NBEA: variants seen among roughly 807,000 people sequenced by gnomAD.
NBEA encodes lysosomal-trafficking regulator 2.
NBEA carries 44 observed loss-of-function variants against 343.4 expected under a neutral mutation model. The ratio of observed to expected loss-of-function variants is 0.13; its 90% CI spans 0.10 to 0.16. NBEA has a LOEUF of 0.16. Ranked by LOEUF, NBEA falls within the 10% of genes least tolerant of loss-of-function variation. The pLI, the probability that NBEA is intolerant of heterozygous loss-of-function variation, is 1.00. For synonymous variants in NBEA, 1,175 were observed against 1,238.7 expected, an observed-to-expected ratio of 0.95 and a Z score of 1.08; for missense variants, 2,555 against 3,631.3, an observed-to-expected ratio of 0.70 and a Z score of 7.62.
rs545531649 is a variant in NBEA at position 35,522,280 on chromosome 13, C to T, written c.6586-28197C>T. 5.9e-5 allele frequency among the ~76,000 whole-genome samples: 9 copies of T among 151,662 alleles called. No homozygotes were observed. In the East Asian group the frequency reaches 1.8e-3, roughly 30 times the overall value. The stretch of plus-strand genomic sequence containing the variant: ...GTCAGGAGATCGAGACCAGCCTGGC[C>T]AATATGATGAAACCCTGTCTCTACT... On this transcript the variant is annotated intron_variant, in intron 41 of 58. Coordinates refer to ENST00000379939, the MANE Select transcript of NBEA (RefSeq NM_001385012.1).
chr13:35,040,220 TA>T (rs2062599837), intron 1 of NBEA, among the ~76,000 whole-genome samples: 1 of 152,170 alleles, frequency 6.6e-6, no homozygotes, highest in Non-Finnish European at 1.5e-5. Context: ...TAAAGAGTGT[TA>T]TTATGTTATT....
intron 45 of NBEA, among the ~76,000 whole-genome samples, chr13:35,574,543 A>G (rs550658742): frequency 6.6e-6 from 1 of 152,200 alleles, no homozygotes; most frequent in African/African-American, 2.4e-5. Flanking sequence ...TCAGTGAGCC[A>G]TTCCACACCT....
At chr13:35,593,597 T>A (rs1446889815) in intron 47 of NBEA, 150 bp downstream of exon 47, 4 of 507,582 alleles carry the variant, frequency 7.9e-6, no homozygotes, top group Non-Finnish European at 1.3e-5. Flanking sequence ...TAGGAAATAA[T>A]TTTGAACATT....
At chr13:35,155,510 A>AC (rs1316067493) in intron 18 of NBEA, among the ~76,000 whole-genome samples, 18 of 152,246 alleles carry the variant, frequency 1.2e-4, no homozygotes, top group Admixed American at 2.0e-4. Context: ...CTGTAATCCC[A>AC]GCTATTTGGG....
chr13:35,661,109 G>C (rs2085071171), intron 55 of NBEA, among the ~76,000 whole-genome samples: 1 of 152,104 alleles, frequency 6.6e-6, no homozygotes, highest in Non-Finnish European at 1.5e-5. Flanking sequence ...TCCTTTTATG[G>C]GACTAAGGCT....
intron 41 of NBEA, among the ~76,000 whole-genome samples, chr13:35,523,462 C>T (rs924903350): frequency 1.3e-5 from 2 of 152,078 alleles, no homozygotes; most frequent in Admixed American, 1.3e-4. Context: ...CTGGAGAGGT[C>T]TAGTGGACAT....
chr13:35,456,527 C>G (rs1467518835), intron 40 of NBEA, among the ~76,000 whole-genome samples: 1 of 151,906 alleles, frequency 6.6e-6, no homozygotes, highest in Non-Finnish European at 1.5e-5. Context: ...TTATTTTTTA[C>G]TGAAAACATT....
chr13:35,013,479 T>G (rs1444978434), intron 1 of NBEA, among the ~76,000 whole-genome samples: 4 of 152,090 alleles, frequency 2.6e-5, no homozygotes, highest in Non-Finnish European at 4.4e-5. Context: ...TGTATCTTTT[T>G]TTTTTTTTTG....
At chr13:35,005,068 C>A (rs1011771792) in intron 1 of NBEA, among the ~76,000 whole-genome samples, 4 of 152,120 alleles carry the variant, frequency 2.6e-5, no homozygotes, top group Non-Finnish European at 4.4e-5. Flanking sequence ...TATACTGTTA[C>A]ATGTGAAATG....
At chr13:35,108,891 T>C (rs2066047859) in intron 11 of NBEA, among the ~76,000 whole-genome samples, 1 of 152,100 alleles carries the variant, frequency 6.6e-6, no homozygotes, top group African/African-American at 2.4e-5. Context: ...TTAAGCAGTA[T>C]TTTACATATT....
At chr13:35,137,619 T>G (rs1001870217) in intron 17 of NBEA, among the ~76,000 whole-genome samples, 1 of 152,148 alleles carries the variant, frequency 6.6e-6, no homozygotes, top group Admixed American at 6.5e-5. Context: ...TCCTTCTTTA[T>G]TCCCTCTTTC....
At chr13:35,108,452 TA>T (rs917389809) in intron 11 of NBEA, among the ~76,000 whole-genome samples, 108 of 152,136 alleles carry the variant, frequency 7.1e-4, no homozygotes, top group African/African-American at 2.3e-3. Context: ...TATTTTCTAG[TA>T]AAAAAATACA....
In NBEA at chr13:35,297,901, A is replaced by G. The variant is rs145120488; in HGVS notation, c.5838+7451A>G. Among the ~76,000 whole-genome samples, 21 of 151,910 alleles carry G rather than the reference A, an allele frequency of 1.4e-4. No homozygotes were observed. The East Asian group carries it at 3.9e-3, about 28-fold the overall frequency. The stretch of plus-strand genomic sequence containing the variant: ...TTTAAGTATACAGTTCAGTGGCATT[A>G]ATTAAATTCACAATGTTATGTAACC... On this transcript the variant is annotated intron_variant, in intron 35 of 58. Coordinates refer to ENST00000379939, the MANE Select transcript of NBEA (RefSeq NM_001385012.1).
chr13:35,154,048 G>A (rs545201192), intron 18 of NBEA, among the ~76,000 whole-genome samples: 1 of 152,140 alleles, frequency 6.6e-6, no homozygotes, highest in African/African-American at 2.4e-5. Context: ...GTGAAATGCT[G>A]TTTAGTTTTA....
At chr13:35,029,202 A>T (rs1011870615) in intron 1 of NBEA, among the ~76,000 whole-genome samples, 1 of 151,486 alleles carries the variant, frequency 6.6e-6, no homozygotes, top group East Asian at 1.9e-4. Context: ...TAACACATAT[A>T]TATGTGTTTA....
chr13:35,550,848 G>A, intron 42 of NBEA, 82 bp from the exon 43 acceptor site: 2 of 789,864 alleles, frequency 2.5e-6, no homozygotes, highest in Non-Finnish European at 4.1e-6. Flanking sequence ...AATCATGATA[G>A]GCACTTGAAG....
intron 17 of NBEA, among the ~76,000 whole-genome samples, chr13:35,136,154 C>T (rs984562086): frequency 9.2e-5 from 14 of 151,928 alleles, no homozygotes; most frequent in African/African-American, 2.7e-4. Flanking sequence ...ATATTGACAG[C>T]GAAAAAAAAG....
At chr13:35,304,660 G>A (rs1165362789) in intron 35 of NBEA, among the ~76,000 whole-genome samples, 1 of 151,980 alleles carries the variant, frequency 6.6e-6, no homozygotes, top group East Asian at 1.9e-4. Context: ...CTTTTTGACA[G>A]TCTGTTACCC....
At position 35,058,578 on chromosome 13, in the gene NBEA, T is replaced by C. The variant is rs112110295; in HGVS notation, c.1093-139T>C. The C allele has an allele frequency of 1.6e-4, 113 of 701,300 alleles. 2 individuals carry two copies. Among genetic ancestry groups the C allele is most frequent in the African/African-American group, 1.6e-3 (87 of 54,830 alleles). 43.4% of individuals were successfully genotyped at this position (701,300 alleles called of 1,614,324 possible). A position where few individuals can be genotyped will look rare whatever the true frequency, so the allele number is the denominator to read the frequency against. On this transcript the variant is annotated intron_variant, in intron 7 of 58. Coordinates refer to ENST00000379939, the MANE Select transcript of NBEA (RefSeq NM_001385012.1). ...ACTTGACTGGCATTTATTATTAAAA[T>C]AATAAAGTCTTAATTGATGCTTTCT... is the stretch of plus-strand genomic sequence containing the variant.
Sources: allele counts gnomAD v4.1 joint callset (sites outside exome capture counted in the v4.1 genomes callset), GRCh38; gene constraint gnomAD v4.1.1; transcripts MANE v1.5; gene names NCBI Gene and HGNC (gene_info 2026-07-23, HGNC 2026-07-21).